Variants in BDNF observed in about 807,000 individuals in gnomAD.
BDNF encodes the protein neurotrophic factor BDNF precursor form.
A neutral mutation model predicts 19.5 loss-of-function variants in BDNF; 1 was observed. That is an observed-to-expected ratio of 0.05 (90% CI 0.02 to 0.24). The LOEUF (loss-of-function observed/expected upper bound fraction) is 0.24. Ranked by LOEUF, BDNF falls within the 10% of genes least tolerant of loss-of-function variation. The probability of loss-of-function intolerance (pLI) is 1.00; values close to 1 mark genes in which losing one functional copy is unlikely to be tolerated. For missense variants in BDNF, 195 were observed against 317.6 expected, an observed-to-expected ratio of 0.61 and a Z score of 2.93; for synonymous variants, 100 against 121.6, an observed-to-expected ratio of 0.82 and a Z score of 1.17.
intron 1 of BDNF, among the ~76,000 whole-genome samples, chr11:27,718,355 C>CCG (rs775687395): frequency 5.5e-5 from 4 of 73,164 alleles, no homozygotes; most frequent in South Asian, 1.6e-3. Context: ...CCGCACACCA[C>CCG]CCCCCCCCGC....
At chr11:27,716,635 G>A (rs1860526019) in intron 1 of BDNF, among the ~76,000 whole-genome samples, 1 of 152,204 alleles carries the variant, frequency 6.6e-6, no homozygotes, top group Non-Finnish European at 1.5e-5. Flanking sequence ...TTTCTGGCAA[G>A]TCAGTGCTTT....
intron 1 of BDNF, among the ~76,000 whole-genome samples, chr11:27,676,423 T>G (rs1442402030): frequency 6.6e-6 from 1 of 152,222 alleles, no homozygotes; most frequent in Non-Finnish European, 1.5e-5. Flanking sequence ...GGGGATTTTT[T>G]TTTTTGCTGT....
upstream of BDNF, chr11:27,700,808 C>G: frequency 8.2e-7 from 1 of 1,213,780 alleles, no homozygotes; most frequent in South Asian, 1.5e-5. Context: ...CGTCCCGCGC[C>G]CTCTGCAGAA....
At chr11:27,674,428 C>T in intron 1 of BDNF, 1 of 1,444,808 alleles carries the variant, frequency 6.9e-7, no homozygotes, top group South Asian at 1.5e-5. Context: ...CACTGCTCTA[C>T]CCCAGCTCCC....
exon 1 of BDNF, chr11:27,721,733 G>A (rs775038732): frequency 2.2e-6 from 1 of 462,514 alleles, no homozygotes; most frequent in Non-Finnish European, 3.9e-6. Flanking sequence ...GAATGAGCGA[G>A]GTTACCAATG....
chr11:27,660,296 T>G, intron 1 of BDNF: 1 of 1,110,482 alleles, frequency 9.0e-7, no homozygotes, highest in Admixed American at 2.6e-5. Flanking sequence ...AAAATTTCTT[T>G]TAGATTTACT....
Position 27,700,388 on chromosome 11 carries a change from G to A in BDNF, c.-246C>T, listed in dbSNP as rs1364720771. 2 of 985,990 alleles carry A rather than the reference G, an allele frequency of 2.0e-6. No individual in the cohort carries two copies. The highest frequency in any genetic ancestry group is 4.6e-5 in the South Asian group (1 of 21,672). The allele number at this position is 985,990 out of a possible 1,614,324, so 61.1% of individuals were successfully genotyped here. A position where few individuals can be genotyped will look rare whatever the true frequency, so the allele number is the denominator to read the frequency against. On this transcript the variant is annotated 5_prime_UTR_variant, in exon 1 of 2. Coordinates refer to ENST00000356660, the MANE Select transcript of BDNF (RefSeq NM_001709.5). ...GCCCGAGGCGCTACGGGGTGCGCGG[G>A]ACAGCGAGCGGGCGGGTGCGCCCGG...
At chr11:27,706,570 A>G (rs768080840) in intron 1 of BDNF, among the ~76,000 whole-genome samples, 1 of 152,202 alleles carries the variant, frequency 6.6e-6, no homozygotes, top group Non-Finnish European at 1.5e-5. Flanking sequence ...AAAAGATCAG[A>G]TCTCACAACC....
chr11:27,694,474 C>T (rs1301999486), intron 1 of BDNF, among the ~76,000 whole-genome samples: 1 of 152,098 alleles, frequency 6.6e-6, no homozygotes. Flanking sequence ...AAGTGCCTCC[C>T]CAGAACTGTT....
upstream of BDNF, chr11:27,700,786 C>T (rs1428715478): frequency 3.3e-6 from 4 of 1,202,414 alleles, no homozygotes; most frequent in Non-Finnish European, 2.1e-6. Flanking sequence ...GCCTCAGCCC[C>T]GGGGAACCCC....
At chr11:27,693,146 C>T (rs975080608) in intron 1 of BDNF, among the ~76,000 whole-genome samples, 1 of 152,108 alleles carries the variant, frequency 6.6e-6, no homozygotes, top group Non-Finnish European at 1.5e-5. Context: ...ATTTCATTTC[C>T]TTGAACTGAT....
upstream of BDNF, chr11:27,701,291 A>G (rs79141432): frequency 5.2e-4 from 584 of 1,121,350 alleles, 3 homozygotes; most frequent in African/African-American, 8.8e-3. Flanking sequence ...AAGAAAACAA[A>G]CCCACCTTTT....
chr11:27,681,953 G>A (rs773170170), intron 1 of BDNF, among the ~76,000 whole-genome samples: 1 of 152,058 alleles, frequency 6.6e-6, no homozygotes, highest in Non-Finnish European at 1.5e-5. Context: ...TCCTCCTCTG[G>A]CTCAGGAATA....
chr11:27,711,533 T>C (rs1860327929), intron 1 of BDNF, among the ~76,000 whole-genome samples: 1 of 152,300 alleles, frequency 6.6e-6, no homozygotes, highest in Admixed American at 6.5e-5. Context: ...AACCATCTGA[T>C]AATGGGAGAC....
At chr11:27,701,045 T>C (rs1212745542), upstream of BDNF, 2 of 1,356,156 alleles carry the variant, frequency 1.5e-6, no homozygotes, top group Non-Finnish European at 2.0e-6. Context: ...ATGGGGGCTA[T>C]TGGTTTACTC....
intron 1 of BDNF, among the ~76,000 whole-genome samples, chr11:27,679,070 A>C (rs1235727649): frequency 6.6e-6 from 1 of 152,126 alleles, no homozygotes. Flanking sequence ...AAAAATAAGA[A>C]CTATTTTGAT....
chr11:27,659,889 G>A (rs1242795830), intron 1 of BDNF, among the ~76,000 whole-genome samples: 1 of 152,152 alleles, frequency 6.6e-6, no homozygotes, highest in Non-Finnish European at 1.5e-5. Context: ...GGATGAACAA[G>A]CAAAATGAAA....
intron 1 of BDNF, among the ~76,000 whole-genome samples, chr11:27,697,118 C>T (rs1297639444): frequency 2.0e-5 from 3 of 150,886 alleles, no homozygotes; most frequent in African/African-American, 7.3e-5. Context: ...TCTCTCTCCC[C>T]CTCTACACAC....
At chr11:27,668,658 T>G (rs941519729) in intron 1 of BDNF, among the ~76,000 whole-genome samples, 1 of 152,082 alleles carries the variant, frequency 6.6e-6, no homozygotes, top group Non-Finnish European at 1.5e-5. Flanking sequence ...CTAGAAAACC[T>G]AAAAGAAATT....
Sources: gnomAD v4.1 joint callset for allele counts (sites outside exome capture counted in the v4.1 genomes callset) on GRCh38, gnomAD v4.1.1 for gene constraint, MANE v1.5 for transcripts, NCBI Gene and HGNC (gene_info 2026-07-23, HGNC 2026-07-21) for gene names.